Variants in STAG1 observed in about 807,000 individuals in gnomAD.
STAG1 encodes STAG1 cohesin complex component.
In STAG1, 26 loss-of-function variants were observed where a neutral mutation model predicts 170.9. The ratio of observed to expected loss-of-function variants is 0.15; its 90% CI spans 0.11 to 0.21. STAG1 has a LOEUF of 0.21. Ranked by LOEUF, STAG1 falls within the 10% of genes least tolerant of loss-of-function variation. STAG1 has a pLI of 1.00. For synonymous variants in STAG1, 514 were observed against 497.7 expected (o/e 1.03, Z -0.44); for missense variants, 964 against 1,509.5 (o/e 0.64, Z 5.99).
At chr3:136,728,845 G>T (rs1475046762) in intron 1 of STAG1, among the ~76,000 whole-genome samples, 1 of 152,140 alleles carries the variant, frequency 6.6e-6, no homozygotes, top group Admixed American at 6.6e-5. Context: ...GAAGTGCTTA[G>T]TAAAAAGCAC....
intron 3 of STAG1, among the ~76,000 whole-genome samples, chr3:136,613,313 C>CAAAAAAA (rs60449608): frequency 0.06 from 3,586 of 59,518 alleles, 646 homozygotes; most frequent in African/African-American, 0.071. Context: ...GACTCCGTCT[C>CAAAAAAA]AAAAAAAAAA....
At chr3:136,668,741 T>C (rs950450371) in intron 1 of STAG1, among the ~76,000 whole-genome samples, 1 of 152,068 alleles carries the variant, frequency 6.6e-6, no homozygotes, top group Non-Finnish European at 1.5e-5. Context: ...GATCAGTCAC[T>C]GGGAGGGAGC....
intron 9 of STAG1, among the ~76,000 whole-genome samples, chr3:136,497,558 C>T (rs538163127): frequency 2.0e-5 from 3 of 152,104 alleles, no homozygotes; most frequent in East Asian, 3.9e-4. Context: ...AAGAAACTTC[C>T]GGCTGGGCGC....
At chr3:136,381,024 GA>G (rs1196287485) in intron 22 of STAG1, among the ~76,000 whole-genome samples, 104 of 73,170 alleles carry the variant, frequency 1.4e-3, no homozygotes, top group African/African-American at 5.9e-3. Flanking sequence ...ACCCTGTCTC[GA>G]AAAAAAAAAA....
At chr3:136,742,714 CAA>C (rs771229199) in intron 1 of STAG1, among the ~76,000 whole-genome samples, 14 of 101,944 alleles carry the variant, frequency 1.4e-4, no homozygotes, top group Non-Finnish European at 1.4e-4. Flanking sequence ...GACTCCATCT[CAA>C]AAAAAAAAAA....
At chr3:136,729,570 C>CTTTTT (rs34078029) in intron 1 of STAG1, among the ~76,000 whole-genome samples, 1 of 94,666 alleles carries the variant, frequency 1.1e-5, no homozygotes, top group Non-Finnish European at 1.9e-5. Context: ...TGTAGTTTTC[C>CTTTTT]TTTTTTTTTT....
At chr3:136,444,110 A>G (rs527497986) in intron 14 of STAG1, among the ~76,000 whole-genome samples, 11 of 150,812 alleles carry the variant, frequency 7.3e-5, no homozygotes, top group African/African-American at 2.2e-4. Flanking sequence ...GTCTTGCTCT[A>G]TCGCCCAAGC....
intron 1 of STAG1, among the ~76,000 whole-genome samples, chr3:136,700,876 C>CTTTTTTTTTTTTTTTTT (rs35459362): frequency 1.3e-5 from 1 of 78,356 alleles, no homozygotes; most frequent in African/African-American, 5.5e-5. Context: ...TATTTTTTTT[C>CTTTTTTTTTTTTTTTTT]TTTTTTTTTT....
At chr3:136,538,454 T>C (rs1935748749) in intron 6 of STAG1, among the ~76,000 whole-genome samples, 1 of 151,452 alleles carries the variant, frequency 6.6e-6, no homozygotes, top group African/African-American at 2.4e-5. Flanking sequence ...CATCTCACTC[T>C]GTTGCCCAGG....
At chr3:136,687,762 A>T (rs1942583559) in intron 1 of STAG1, among the ~76,000 whole-genome samples, 1 of 149,046 alleles carries the variant, frequency 6.7e-6, no homozygotes, top group African/African-American at 2.5e-5. Flanking sequence ...TTTGAGGCAG[A>T]GTCTCCCTTT....
intron 4 of STAG1, among the ~76,000 whole-genome samples, chr3:136,598,510 T>C (rs186305028): frequency 6.6e-6 from 1 of 151,728 alleles, no homozygotes; most frequent in African/African-American, 2.4e-5. Context: ...CACTGCAAGC[T>C]CCACCTCCCG....
intron 13 of STAG1, among the ~76,000 whole-genome samples, chr3:136,458,698 G>A (rs1576485831): frequency 6.6e-6 from 1 of 151,714 alleles, no homozygotes; most frequent in East Asian, 1.9e-4. Flanking sequence ...AAGGTAAATG[G>A]ATTAAATTAT....
intron 6 of STAG1, among the ~76,000 whole-genome samples, chr3:136,523,484 A>G (rs937328913): frequency 6.6e-6 from 1 of 152,182 alleles, no homozygotes; most frequent in African/African-American, 2.4e-5. Flanking sequence ...TCAGATGAGT[A>G]GATTGCAAAA....
intron 12 of STAG1, 27 bp downstream of exon 12, chr3:136,472,386 G>A (rs759885260): frequency 6.5e-7 from 1 of 1,538,348 alleles, no homozygotes; most frequent in Non-Finnish European, 9.0e-7. Flanking sequence ...TATCAATAAA[G>A]TTAAAATAGT....
At chr3:136,427,610 C>T (rs2088169573) in intron 16 of STAG1, among the ~76,000 whole-genome samples, 1 of 149,838 alleles carries the variant, frequency 6.7e-6, no homozygotes, top group Admixed American at 6.7e-5. Context: ...TCTGCAGCTA[C>T]AGTTGCCCAC....
At chr3:136,405,912 T>C (rs1354561514) in intron 21 of STAG1, among the ~76,000 whole-genome samples, 1 of 140,600 alleles carries the variant, frequency 7.1e-6, no homozygotes, top group East Asian at 2.3e-4. Context: ...CGATACACAA[T>C]AACTGAAGCT....
chr3:136,441,030 C>CTTTTT (rs68155305), intron 15 of STAG1, among the ~76,000 whole-genome samples: 1 of 81,958 alleles, frequency 1.2e-5, no homozygotes. Context: ...ACCATCTTTC[C>CTTTTT]TTTTTTTTTT....
intron 4 of STAG1, among the ~76,000 whole-genome samples, chr3:136,579,192 A>AC (rs1937540853): frequency 6.6e-6 from 1 of 152,208 alleles, no homozygotes; most frequent in Admixed American, 6.5e-5. Context: ...GCAGCTACTG[A>AC]CCTCACTAAC....
At chr3:136,613,168 G>T (rs1480324948) in intron 3 of STAG1, among the ~76,000 whole-genome samples, 2 of 151,924 alleles carry the variant, frequency 1.3e-5, no homozygotes, top group African/African-American at 4.8e-5. Flanking sequence ...AGCCAGGTGT[G>T]GTGGCGGGTG....
Sources: allele counts gnomAD v4.1 joint callset (sites outside exome capture counted in the v4.1 genomes callset), GRCh38; gene constraint gnomAD v4.1.1; transcripts MANE v1.5; gene names NCBI Gene and HGNC (gene_info 2026-07-23, HGNC 2026-07-21).